NBAS: variants seen among roughly 807,000 people sequenced by gnomAD.
NBAS encodes the protein NBAS subunit of NRZ tethering complex.
A neutral mutation model predicts 302.5 loss-of-function variants in NBAS; 219 were observed. That is an observed-to-expected ratio of 0.72 (90% confidence interval 0.65 to 0.81). The LOEUF is 0.81. NBAS is among the 30% of genes least tolerant of loss of function. NBAS has a pLI of 0.00. For missense variants in NBAS, 2,932 were observed against 2,841.6 expected (o/e 1.03, Z -0.72); for synonymous variants, 1,118 against 1,021.6 (o/e 1.09, Z -1.80).
At chr2:14,819,439 G>C in the NBAS span, among the ~76,000 whole-genome samples, 1 of 152,106 alleles carries the variant, frequency 6.6e-6, no homozygotes, top group Admixed American at 6.5e-5. Flanking sequence ...AATATCAATA[G>C]CAAAAGATTT....
chr2:15,141,450 G>A, the NBAS span, among the ~76,000 whole-genome samples: 30 of 152,320 alleles, frequency 2.0e-4, no homozygotes, highest in Admixed American at 1.1e-3. Flanking sequence ...TAGCATCAGC[G>A]AATGGCAGAG....
chr2:14,972,679 A>G, the NBAS span, among the ~76,000 whole-genome samples: 1 of 152,204 alleles, frequency 6.6e-6, no homozygotes, highest in Admixed American at 6.5e-5. Flanking sequence ...GTAAGTCCAG[A>G]TCTCTATAAT....
At chr2:14,888,513 C>A in the NBAS span, among the ~76,000 whole-genome samples, 3 of 152,052 alleles carry the variant, frequency 2.0e-5, no homozygotes, top group South Asian at 6.2e-4. Context: ...TCTATGATTT[C>A]TCTATATCCA....
the NBAS span, among the ~76,000 whole-genome samples, chr2:15,075,835 T>C: frequency 1.7e-4 from 26 of 152,178 alleles, no homozygotes; most frequent in Admixed American, 2.6e-4. Flanking sequence ...TATCCTTACA[T>C]AGTCCTTGCC....
chr2:15,006,863 G>C, the NBAS span, among the ~76,000 whole-genome samples: 1 of 152,156 alleles, frequency 6.6e-6, no homozygotes, highest in East Asian at 1.9e-4. Flanking sequence ...AGCTCTCTGA[G>C]TTTATTAATC....
the NBAS span, among the ~76,000 whole-genome samples, chr2:15,012,352 A>G: frequency 6.6e-6 from 1 of 152,106 alleles, no homozygotes; most frequent in African/African-American, 2.4e-5. Flanking sequence ...GGTAGAAAAT[A>G]ATAACAACAA....
the NBAS span, among the ~76,000 whole-genome samples, chr2:15,098,454 T>C: frequency 0.017 from 1,392 of 83,292 alleles, 105 homozygotes; most frequent in South Asian, 0.022. Context: ...TTGTATATTA[T>C]ATATTATATA....
rs1448410626 is a variant in NBAS at position 15,383,312 on chromosome 2, G to A, written c.3263C>T (p.Pro1088Leu). The A allele has an allele frequency of 6.2e-7, 1 of 1,613,436 alleles. No individual in the cohort carries two copies. The highest frequency in any genetic ancestry group is 8.5e-7 in the Non-Finnish European group (1 of 1,179,630). The change falls in exon 29 of 52, where the codon CCT becomes CTT. Residue 1088 changes from proline (P) to leucine (L), a missense_variant. Pro to Leu is a moderately conservative substitution (Grantham distance 98). Coordinates refer to ENST00000281513, the MANE Select transcript of NBAS (RefSeq NM_015909.4). ...RLTRHTGRKQ[P>L]PVSESHWRTL... ...TCTCCAATGAGACTCACTGACAGGA[G>A]GCTGCCTGGAAAAACACATAAAAAA...
At chr2:15,180,179 AG>A (rs1235771454) in intron 50 of NBAS, 2 of 152,244 alleles carry the variant, frequency 1.3e-5, no homozygotes, top group African/African-American at 4.8e-5. Context: ...GAATGACACA[AG>A]TAAGCTCGCA....
At chr2:15,498,960 C>T (rs1339773426) in intron 11 of NBAS, among the ~76,000 whole-genome samples, 2 of 147,950 alleles carry the variant, frequency 1.4e-5, no homozygotes, top group African/African-American at 5.0e-5. Context: ...GACAGTCTTG[C>T]TCCATCGCCC....
chr2:15,295,681 T>C (rs938773464), intron 40 of NBAS, among the ~76,000 whole-genome samples: 1 of 152,136 alleles, frequency 6.6e-6, no homozygotes, highest in African/African-American at 2.4e-5. Flanking sequence ...TCTCTTAAAT[T>C]AAAACTTCTG....
At chr2:15,236,611 A>G (rs552369358) in intron 45 of NBAS, among the ~76,000 whole-genome samples, 1 of 150,404 alleles carries the variant, frequency 6.6e-6, no homozygotes, top group East Asian at 1.9e-4. Flanking sequence ...AATATAGTAT[A>G]TTAAAAAATA....
chr2:15,089,087 G>A, the NBAS span, among the ~76,000 whole-genome samples: 1 of 152,168 alleles, frequency 6.6e-6, no homozygotes, highest in African/African-American at 2.4e-5. Context: ...CAAACTAGTA[G>A]TAGAAGCCTT....
At chr2:14,960,512 T>G in the NBAS span, among the ~76,000 whole-genome samples, 2 of 152,192 alleles carry the variant, frequency 1.3e-5, no homozygotes, top group Non-Finnish European at 2.9e-5. Context: ...GAGACAGGTT[T>G]TATAATTATC....
At chr2:15,415,505 G>C (rs753976715) in intron 25 of NBAS, 41 bp downstream of exon 25, 1 of 1,580,664 alleles carries the variant, frequency 6.3e-7, no homozygotes, top group South Asian at 1.1e-5. Flanking sequence ...TACTGTAGGG[G>C]AAAAAGTGCC....
chr2:14,921,839 A>ATT, the NBAS span, among the ~76,000 whole-genome samples: 6 of 152,010 alleles, frequency 3.9e-5, no homozygotes, highest in African/African-American at 1.4e-4. Context: ...GCTATTATAC[A>ATT]TTTTTTTTAC....
the NBAS span, among the ~76,000 whole-genome samples, chr2:15,095,665 A>C: frequency 6.6e-6 from 1 of 152,152 alleles, no homozygotes; most frequent in African/African-American, 2.4e-5. Context: ...GTGTGGAGGC[A>C]CGGACCCAGC....
intron 47 of NBAS, among the ~76,000 whole-genome samples, chr2:15,226,414 A>C (rs1284574233): frequency 6.6e-6 from 1 of 152,216 alleles, no homozygotes; most frequent in Non-Finnish European, 1.5e-5. Flanking sequence ...ACTTTTCTTA[A>C]GCAAACAAAT....
intron 32 of NBAS, among the ~76,000 whole-genome samples, chr2:15,365,013 C>A (rs1205753846): frequency 6.6e-6 from 1 of 152,128 alleles, no homozygotes; most frequent in African/African-American, 2.4e-5. Context: ...ATTAGCACGG[C>A]CTTTCTTCGA....
Sources: gnomAD v4.1 joint callset for allele counts (sites outside exome capture counted in the v4.1 genomes callset) on GRCh38, gnomAD v4.1.1 for gene constraint, MANE v1.5 for transcripts, NCBI Gene and HGNC (gene_info 2026-07-23, HGNC 2026-07-21) for gene names.